Variants in TCF7L1 observed in about 807,000 individuals in gnomAD.
TCF7L1 encodes the protein transcription factor 7-like 1.
TCF7L1 carries 18 observed loss-of-function variants against 63.7 expected under a neutral mutation model. The observed-to-expected ratio is 0.28, with a 90% CI of 0.20 to 0.42. The LOEUF (loss-of-function observed/expected upper bound fraction) is 0.42, where lower values mean the gene tolerates loss of function less well. Among genes scored for constraint, TCF7L1 ranks in the 10% least tolerant of loss-of-function variants. TCF7L1 has a pLI of 1.00. For synonymous variants in TCF7L1, 355 were observed against 340.9 expected (o/e 1.04, Z -0.46); for missense variants, 654 against 779.3 (o/e 0.84, Z 1.91).
chr2:85,294,647 C>T (rs1369737469), intron 4 of TCF7L1, among the ~76,000 whole-genome samples: 2 of 152,162 alleles, frequency 1.3e-5, no homozygotes, highest in African/African-American at 4.8e-5. Context: ...TCTGAAAGAA[C>T]ATCAATAGCT....
At chr2:85,193,551 G>A (rs1679085677) in intron 3 of TCF7L1, among the ~76,000 whole-genome samples, 1 of 152,252 alleles carries the variant, frequency 6.6e-6, no homozygotes, top group South Asian at 2.1e-4. Flanking sequence ...AATAAATAGA[G>A]GGCATTATCA....
intron 3 of TCF7L1, among the ~76,000 whole-genome samples, chr2:85,199,593 G>T (rs1679228079): frequency 6.6e-6 from 1 of 152,114 alleles, no homozygotes; most frequent in Non-Finnish European, 1.5e-5. Context: ...TAGGAAGGAG[G>T]TCCAAGCGTC....
intron 3 of TCF7L1, among the ~76,000 whole-genome samples, chr2:85,164,194 C>T (rs1678356012): frequency 6.6e-6 from 1 of 152,190 alleles, no homozygotes; most frequent in Non-Finnish European, 1.5e-5. Flanking sequence ...TGTCAGCGTT[C>T]AGCACGAACC....
At chr2:85,243,712 C>G (rs886332679) in intron 3 of TCF7L1, among the ~76,000 whole-genome samples, 6 of 152,174 alleles carry the variant, frequency 3.9e-5, no homozygotes, top group African/African-American at 1.4e-4. Context: ...GATTCTGGCT[C>G]AGGGTGAGAG....
At chr2:85,273,479 T>G (rs1681200962) in intron 3 of TCF7L1, among the ~76,000 whole-genome samples, 1 of 152,226 alleles carries the variant, frequency 6.6e-6, no homozygotes, top group Non-Finnish European at 1.5e-5. Flanking sequence ...CTTTTTTACC[T>G]GTCAGTTTGG....
chr2:85,151,800 G>A (rs1678022583), intron 3 of TCF7L1, among the ~76,000 whole-genome samples: 1 of 152,228 alleles, frequency 6.6e-6, no homozygotes, highest in South Asian at 2.1e-4. Context: ...AATTAGCTGT[G>A]ATTGAAGCCA....
intron 3 of TCF7L1, among the ~76,000 whole-genome samples, chr2:85,222,669 C>CAAA (rs60020804): frequency 0.021 from 1,237 of 58,126 alleles, 88 homozygotes; most frequent in African/African-American, 0.064. Context: ...GACCCCATCT[C>CAAA]AAAAAAAAAA....
intron 3 of TCF7L1, among the ~76,000 whole-genome samples, chr2:85,210,142 G>A (rs547597846): frequency 2.0e-5 from 3 of 152,304 alleles, no homozygotes; most frequent in African/African-American, 7.2e-5. Flanking sequence ...AGGCCCCATG[G>A]GGAACACTCC....
intron 3 of TCF7L1, among the ~76,000 whole-genome samples, chr2:85,151,478 C>G (rs1232089551): frequency 1.3e-5 from 2 of 152,130 alleles, no homozygotes; most frequent in Non-Finnish European, 2.9e-5. Context: ...ATCAGAGATA[C>G]TGATTATCTC....
chr2:85,299,960 G>A (rs1164758862), intron 4 of TCF7L1, among the ~76,000 whole-genome samples: 2 of 150,642 alleles, frequency 1.3e-5, no homozygotes, highest in African/African-American at 2.4e-5. Flanking sequence ...ATAGCGACAG[G>A]GTTAGGATGG....
At chr2:85,150,181 C>T (rs1303627851) in intron 3 of TCF7L1, among the ~76,000 whole-genome samples, 2 of 150,968 alleles carry the variant, frequency 1.3e-5, no homozygotes, top group Non-Finnish European at 2.9e-5. Flanking sequence ...GCTTAATTGT[C>T]TCTTAGTCTC....
At chr2:85,143,820 A>G (rs573778268) in intron 3 of TCF7L1, among the ~76,000 whole-genome samples, 9 of 152,334 alleles carry the variant, frequency 5.9e-5, no homozygotes, top group Non-Finnish European at 8.8e-5. Flanking sequence ...CCAACTTTAC[A>G]CATTGGACCT....
At chr2:85,180,224 T>TTG (rs1558625664) in intron 3 of TCF7L1, among the ~76,000 whole-genome samples, 29 of 150,104 alleles carry the variant, frequency 1.9e-4, no homozygotes, top group African/African-American at 7.0e-4. Context: ...TTTTTTTTGT[T>TTG]TTTGTTTTTG....
chr2:85,167,295 T>C (rs1678441229), intron 3 of TCF7L1: 1 of 152,188 alleles, frequency 6.6e-6, no homozygotes, highest in Non-Finnish European at 1.5e-5. Flanking sequence ...CAAGAGCAAG[T>C]GTTGAGTGCA....
chr2:85,277,503 A>T (rs974641049), intron 3 of TCF7L1, among the ~76,000 whole-genome samples: 5 of 152,020 alleles, frequency 3.3e-5, no homozygotes, highest in African/African-American at 9.7e-5. Context: ...ATCAAAGGGG[A>T]TCCTGGCTCT....
chr2:85,163,671 C>T (rs185244883), intron 3 of TCF7L1, among the ~76,000 whole-genome samples: 6 of 152,290 alleles, frequency 3.9e-5, no homozygotes, highest in African/African-American at 1.4e-4. Context: ...GTCATTGTCT[C>T]ACAGCTCTGG....
intron 3 of TCF7L1, among the ~76,000 whole-genome samples, chr2:85,226,331 G>A (rs1679952263): frequency 1.3e-5 from 2 of 152,126 alleles, no homozygotes; most frequent in African/African-American, 2.4e-5. Context: ...CTATTGATTG[G>A]AATAGTTTCA....
At chr2:85,210,814 T>G (rs1679523209) in intron 3 of TCF7L1, among the ~76,000 whole-genome samples, 1 of 152,220 alleles carries the variant, frequency 6.6e-6, no homozygotes, top group Non-Finnish European at 1.5e-5. Context: ...AACAGCCCTG[T>G]GAGGTGGCGA....
Position 85,309,090 on chromosome 2 carries a change from T to G in TCF7L1, c.1395T>G (p.Cys465Trp). Residue 465 changes from cysteine to tryptophan, a missense_variant, in exon 12 of 12, where the codon TGT (cysteine) becomes TGG (tryptophan). Physicochemically the swap from Cys to Trp is radical, Grantham distance 215. Around this residue, in one of 3 missense-constraint regions of TCF7L1, gnomAD observed 184 missense variants for 204.0 expected, o/e 0.90. Coordinates refer to ENST00000282111, the MANE Select transcript of TCF7L1 (RefSeq NM_031283.3). Reference protein sequence around the residue: ...CVQYLPPEKPCDSPASSHGSM... With the variant: ...CVQYLPPEKPWDSPASSHGSM... ...AGTACCTGCCCCCCGAGAAGCCCTG[T>G]GACAGCCCTGCCTCCTCCCACGGGA... The G allele has an allele frequency of 6.2e-7, 1 of 1,610,880 alleles. No homozygotes were observed. Among genetic ancestry groups the G allele is most frequent in the Non-Finnish European group, 8.5e-7 (1 of 1,178,844 alleles).
Sources: gnomAD v4.1 joint callset for allele counts (sites outside exome capture counted in the v4.1 genomes callset) on GRCh38, gnomAD v4.1.1 for gene constraint, gnomAD v4.1.1 regional missense constraint, MANE v1.5 for transcripts, NCBI Gene and HGNC (gene_info 2026-07-23, HGNC 2026-07-21) for gene names.